SP4: variants seen among roughly 807,000 people sequenced by gnomAD.
SP4 encodes the protein transcription factor Sp4.
A neutral mutation model predicts 72.8 loss-of-function variants in SP4; 19 were observed. That is an observed-to-expected ratio of 0.26 (90% CI 0.18 to 0.38). SP4 has a LOEUF of 0.38. Ranked by LOEUF, SP4 falls within the 10% of genes least tolerant of loss-of-function variation. The probability of loss-of-function intolerance (pLI) is 1.00; values close to 1 mark genes in which losing one functional copy is unlikely to be tolerated. For missense variants in SP4, 1,008 were observed against 926.3 expected (o/e 1.09, Z -1.14); for synonymous variants, 395 against 333.1 (o/e 1.19, Z -2.02).
In SP4 at chr7:21,428,764, A is replaced by G. The variant is rs1265799151; in HGVS notation, c.95A>G (p.Asn32Ser). 11 of 1,551,746 alleles carry G rather than the reference A, an allele frequency of 7.1e-6. No homozygotes were observed. Among genetic ancestry groups the G allele is most frequent in the African/African-American group, 2.7e-5 (2 of 72,958 alleles). ...AAAACCTCTGAGCCAGAGAATAACA[A>G]TAAAAAACCCAAAACCTCAGGCTCC... ...GGKTSEPENN[N>S]KKPKTSGSQD... The change falls in exon 2 of 6, where the codon AAT (asparagine) becomes AGT (serine). Residue 32 changes from asparagine (N) to serine (S), a missense_variant. Asn to Ser is a conservative substitution (Grantham distance 46). Around this residue, in one of 3 missense-constraint regions of SP4, gnomAD observed 893 missense variants for 743.3 expected, o/e 1.20. Coordinates refer to ENST00000222584, the MANE Select transcript of SP4 (RefSeq NM_003112.5).
chr7:21,460,836 T>TG (rs1177088546), intron 3 of SP4, among the ~76,000 whole-genome samples: 2 of 152,244 alleles, frequency 1.3e-5, no homozygotes, highest in South Asian at 2.1e-4. Context: ...TTACAAACCT[T>TG]GAGCTAGACA....
intron 5 of SP4, among the ~76,000 whole-genome samples, chr7:21,500,507 C>T (rs1299075437): frequency 6.6e-6 from 1 of 152,214 alleles, no homozygotes; most frequent in Non-Finnish European, 1.5e-5. Context: ...GGCAGGACTG[C>T]ATTCCTTACT....
At chr7:21,473,307 A>G (rs1784403548) in intron 3 of SP4, among the ~76,000 whole-genome samples, 1 of 152,332 alleles carries the variant, frequency 6.6e-6, no homozygotes, top group Admixed American at 6.5e-5. Flanking sequence ...TAAGGTTTTC[A>G]GTGTGGATAA....
At chr7:21,449,446 T>TA (rs1405526079) in intron 3 of SP4, among the ~76,000 whole-genome samples, 4 of 152,190 alleles carry the variant, frequency 2.6e-5, no homozygotes, top group Non-Finnish European at 5.9e-5. Context: ...CAAAGAATCT[T>TA]ATTATTAAGA....
chr7:21,445,001 TAGAA>T (rs1314214971), intron 3 of SP4, among the ~76,000 whole-genome samples: 2 of 152,280 alleles, frequency 1.3e-5, no homozygotes, highest in South Asian at 2.1e-4. Context: ...CAAAGGGAAT[TAGAA>T]AGAAAGTTTT....
At chr7:21,439,329 G>T (rs756639992) in intron 3 of SP4, among the ~76,000 whole-genome samples, 11 of 151,490 alleles carry the variant, frequency 7.3e-5, no homozygotes, top group Non-Finnish European at 1.5e-4. Flanking sequence ...TTTTTTTTAA[G>T]TTATTTATGC....
intron 5 of SP4, among the ~76,000 whole-genome samples, chr7:21,500,858 T>C (rs554053413): frequency 1.3e-5 from 2 of 152,192 alleles, no homozygotes; most frequent in East Asian, 3.9e-4. Context: ...ATCTGCACAG[T>C]CCCTTTTACC....
intron 5 of SP4, among the ~76,000 whole-genome samples, chr7:21,504,784 G>A (rs534068624): frequency 6.6e-6 from 1 of 152,048 alleles, no homozygotes; most frequent in African/African-American, 2.4e-5. Flanking sequence ...GGTGTGGAGC[G>A]CTTACTATTA....
intron 3 of SP4, among the ~76,000 whole-genome samples, chr7:21,431,389 A>C (rs1217694401): frequency 6.6e-6 from 1 of 152,166 alleles, no homozygotes; most frequent in Non-Finnish European, 1.5e-5. Context: ...TTGAGAGATA[A>C]TTTTAAGTTG....
intron 3 of SP4, among the ~76,000 whole-genome samples, chr7:21,461,824 A>G (rs1056417405): frequency 4.7e-5 from 7 of 147,932 alleles, no homozygotes; most frequent in African/African-American, 1.7e-4. Flanking sequence ...TATGCTTTGT[A>G]TAAGAAAGAA....
rs749013280 is a variant in SP4 at position 21,430,717 on chromosome 7, G to C, written c.1552G>C (p.Ala518Pro). The C allele has an allele frequency of 6.2e-7, 1 of 1,614,218 alleles. No individual in the cohort carries two copies. The highest frequency in any genetic ancestry group is 1.1e-5 in the South Asian group (1 of 91,082). Residue 518 changes from alanine (A) to proline (P), a missense_variant, in exon 3 of 6, where the codon GCC becomes CCC. Coordinates refer to ENST00000222584, the MANE Select transcript of SP4 (RefSeq NM_003112.5). ...AQIAPVAVAG[A>P]PITLNTAQLA... Reference sequence around the variant, plus strand: ...GATTGCTCCTGTGGCTGTTGCTGGTGCCCCAATAACTTTGAATACTGCCCA... The same window carrying C: ...GATTGCTCCTGTGGCTGTTGCTGGTCCCCCAATAACTTTGAATACTGCCCA...
At chr7:21,430,954 C>T (rs1044861398) in intron 3 of SP4, 111 bp downstream of exon 3, 4 of 723,570 alleles carry the variant, frequency 5.5e-6, no homozygotes, top group South Asian at 3.7e-5. Flanking sequence ...AACACACAAT[C>T]ATAAGGAACC....
intron 3 of SP4, among the ~76,000 whole-genome samples, chr7:21,449,697 T>G (rs1360866577): frequency 1.3e-5 from 2 of 152,216 alleles, no homozygotes; most frequent in Non-Finnish European, 2.9e-5. Context: ...TCTGCTCTCT[T>G]TGTTTATAAA....
intron 3 of SP4, among the ~76,000 whole-genome samples, chr7:21,454,323 A>G (rs926553156): frequency 6.6e-6 from 1 of 151,000 alleles, no homozygotes; most frequent in South Asian, 2.1e-4. Context: ...TTACAATTAT[A>G]TAACATTTCT....
At chr7:21,509,684 CGTAAAGAAAAAGAGAAT>C (rs1219585898) in intron 5 of SP4, among the ~76,000 whole-genome samples, 11 of 151,286 alleles carry the variant, frequency 7.3e-5, no homozygotes, top group African/African-American at 2.2e-4. Context: ...AAAGCACACA[CGTAAAGAAAAAGAGAAT>C]GTAAAGAAAA....
In SP4 at chr7:21,460,082, TAATTCTTTGAGAA is replaced by T. The variant is rs148333454; in HGVS notation, c.1679-16994_1679-16982del. 9.5e-3 allele frequency among the ~76,000 whole-genome samples: 1,441 copies of T among 152,326 alleles called. 26 individuals carry two copies. The highest frequency in any genetic ancestry group is 0.033 in the African/African-American group (1,388 of 41,566). On this transcript the variant is annotated intron_variant, in intron 3 of 5. Coordinates refer to ENST00000222584, the MANE Select transcript of SP4 (RefSeq NM_003112.5). Reference sequence around the variant, plus strand: ...TCCATGAAACCTGGTAGGCTTGAACTAATTCTTTGAGAAAAGGAGAGCCCTAACAGGAATAAAG... The same window carrying T: ...TCCATGAAACCTGGTAGGCTTGAACTAAGGAGAGCCCTAACAGGAATAAAG...
Position 21,511,321 on chromosome 7 carries a change from G to C in SP4, c.*52G>C, listed in dbSNP as rs548589125. The C allele has an allele frequency of 6.5e-6, 10 of 1,547,718 alleles. No homozygotes were observed. In the Admixed American group the frequency reaches 1.4e-4, roughly 22 times the overall value. On this transcript the variant is annotated 3_prime_UTR_variant, in exon 6 of 6. Coordinates refer to ENST00000222584, the MANE Select transcript of SP4 (RefSeq NM_003112.5). Reference sequence around the variant, plus strand: ...GTGCTGCACTTGTTTACACACCTTTGAAAATCTGGAAATGGGCTGGTCAAG... The same window carrying C: ...GTGCTGCACTTGTTTACACACCTTTCAAAATCTGGAAATGGGCTGGTCAAG...
chr7:21,449,192 C>T (rs10228982), intron 3 of SP4, among the ~76,000 whole-genome samples: 3,273 of 152,258 alleles, frequency 0.021, 122 homozygotes, highest in African/African-American at 0.074. Flanking sequence ...AACTAGCCAA[C>T]CCTAAGCCTG....
In SP4 at chr7:21,434,603, T is replaced by C. The variant is rs1782985318; in HGVS notation, c.1678+3760T>C. Among the ~76,000 whole-genome samples the C allele has an allele frequency of 1.3e-5, 2 of 152,196 alleles. 1 individual carries two copies. The highest frequency in any genetic ancestry group is 1.3e-4 in the Admixed American group (2 of 15,274). ...TTCTAAATTTAACTTAAAATTTTTT[T>C]ACTTTTACTTTTAAAAAAAATAGAT... On this transcript the variant is annotated intron_variant, in intron 3 of 5. Coordinates refer to ENST00000222584, the MANE Select transcript of SP4 (RefSeq NM_003112.5).
Sources: allele counts gnomAD v4.1 joint callset (sites outside exome capture counted in the v4.1 genomes callset), GRCh38; gene constraint gnomAD v4.1.1; regional missense constraint gnomAD v4.1.1; transcripts MANE v1.5; gene names NCBI Gene and HGNC (gene_info 2026-07-23, HGNC 2026-07-21).